Variants in CAMK2D observed in about 807,000 individuals in gnomAD.
CAMK2D encodes calcium/calmodulin dependent protein kinase II delta.
A neutral mutation model predicts 84.0 loss-of-function variants in CAMK2D; 37 were observed. The observed-to-expected ratio is 0.44, with a 90% confidence interval of 0.34 to 0.58. CAMK2D has a LOEUF of 0.58. Ranked by LOEUF, CAMK2D falls within the 20% of genes least tolerant of loss-of-function variation. The pLI is 0.02. For missense variants in CAMK2D, 448 were observed against 652.5 expected, an observed-to-expected ratio of 0.69 and a Z score of 3.41; for synonymous variants, 202 against 212.5, an observed-to-expected ratio of 0.95 and a Z score of 0.43.
intron 15 of CAMK2D, among the ~76,000 whole-genome samples, chr4:113,501,913 T>C (rs1346160200): frequency 1.3e-5 from 2 of 152,174 alleles, no homozygotes; most frequent in Admixed American, 1.3e-4. Flanking sequence ...GTCATGACTA[T>C]AAAATAAATC....
At chr4:113,472,198 G>A (rs569739819) in intron 16 of CAMK2D, among the ~76,000 whole-genome samples, 1 of 152,250 alleles carries the variant, frequency 6.6e-6, no homozygotes, top group East Asian at 1.9e-4. Flanking sequence ...TGAACACCTA[G>A]TACTGAGTCA....
chr4:113,665,120 A>G (rs933071499), intron 2 of CAMK2D, among the ~76,000 whole-genome samples: 1 of 152,138 alleles, frequency 6.6e-6, no homozygotes, highest in Non-Finnish European at 1.5e-5. Context: ...AGACTTTATA[A>G]CAATAGTACT....
Position 113,582,169 on chromosome 4 carries a change from G to A in CAMK2D, c.275+26983C>T, listed in dbSNP as rs368275818. Among the ~76,000 whole-genome samples the A allele has an allele frequency of 7.9e-5, 12 of 152,280 alleles. No homozygotes were observed. In the East Asian group the frequency reaches 1.7e-3, roughly 22 times the overall value. ...TCACATCCAGGTTGACCAGTTAGAT[G>A]TTTACATTTGATCCAATAAATTGTC... On this transcript the variant is annotated intron_variant, in intron 4 of 20. Transcript: ENST00000511664.
chr4:113,514,294 T>A (rs899709551), intron 10 of CAMK2D, among the ~76,000 whole-genome samples: 7 of 152,080 alleles, frequency 4.6e-5, no homozygotes, highest in African/African-American at 1.4e-4. Context: ...GCACCTGTAA[T>A]CCCAGCTACT....
chr4:113,598,439 C>T (rs2098937318), intron 4 of CAMK2D, among the ~76,000 whole-genome samples: 1 of 151,988 alleles, frequency 6.6e-6, no homozygotes, highest in East Asian at 1.9e-4. Context: ...TAAAACTTCC[C>T]AGAAAACAAA....
At chr4:113,581,957 G>A (rs1319021673) in intron 4 of CAMK2D, among the ~76,000 whole-genome samples, 2 of 152,106 alleles carry the variant, frequency 1.3e-5, no homozygotes, top group African/African-American at 4.8e-5. Context: ...TTTCCATGAC[G>A]AGAAAGGGAC....
At chr4:113,597,468 ATTC>A (rs1467403951) in intron 4 of CAMK2D, among the ~76,000 whole-genome samples, 3 of 152,188 alleles carry the variant, frequency 2.0e-5, no homozygotes, top group African/African-American at 4.8e-5. Context: ...GCTTTCCTCT[ATTC>A]TTCTGCAGCT....
chr4:113,702,591 ATTC>A (rs2099423935), intron 2 of CAMK2D, among the ~76,000 whole-genome samples: 1 of 152,184 alleles, frequency 6.6e-6, no homozygotes, highest in South Asian at 2.1e-4. Context: ...AATAAAAAAT[ATTC>A]TTATTTCAAC....
intron 16 of CAMK2D, among the ~76,000 whole-genome samples, chr4:113,480,215 G>A (rs889634371): frequency 2.0e-5 from 3 of 151,956 alleles, no homozygotes; most frequent in South Asian, 2.1e-4. Flanking sequence ...CGCCCGCCTC[G>A]GCCTCCCAAA....
At chr4:113,725,831 T>C (rs565296152) in intron 2 of CAMK2D, among the ~76,000 whole-genome samples, 1 of 152,316 alleles carries the variant, frequency 6.6e-6, no homozygotes, top group South Asian at 2.1e-4. Flanking sequence ...AAATGGACAC[T>C]AAATTTGGAG....
chr4:113,541,704 T>C (rs1199892322), intron 6 of CAMK2D, among the ~76,000 whole-genome samples: 3 of 152,196 alleles, frequency 2.0e-5, no homozygotes, highest in Non-Finnish European at 4.4e-5. Context: ...GACTAAAAAT[T>C]TGTCTTTTAA....
At chr4:113,700,005 C>A (rs2099413294) in intron 2 of CAMK2D, among the ~76,000 whole-genome samples, 1 of 152,128 alleles carries the variant, frequency 6.6e-6, no homozygotes, top group African/African-American at 2.4e-5. Flanking sequence ...TCTATAATAT[C>A]TCCATCTGGT....
chr4:113,668,382 G>A (rs1316262154), intron 2 of CAMK2D, among the ~76,000 whole-genome samples: 1 of 152,112 alleles, frequency 6.6e-6, no homozygotes, highest in East Asian at 1.9e-4. Flanking sequence ...AGGTGTCCAA[G>A]TTACTTGACC....
At position 113,587,306 on chromosome 4, in the gene CAMK2D, AC is replaced by A. The variant is rs201988574; in HGVS notation, c.275+21845del. ...AAATGTTCACTCTTATTAAGGCCAG[AC>A]ATTCTTTTACAAAATCAAAATGACT... is the stretch of plus-strand genomic sequence containing the variant. On this transcript the variant is annotated intron_variant, in intron 4 of 20. Coordinates refer to ENST00000511664, the MANE Select transcript of CAMK2D (RefSeq NM_001321571.2). 7.7e-3 allele frequency among the ~76,000 whole-genome samples: 1,167 copies of A among 152,354 alleles called. 17 individuals carry two copies. Among genetic ancestry groups the A allele is most frequent in the African/African-American group, 0.026 (1,090 of 41,596 alleles).
chr4:113,661,482 CTT>C (rs2099231713), intron 3 of CAMK2D, among the ~76,000 whole-genome samples: 1 of 152,170 alleles, frequency 6.6e-6, no homozygotes, highest in East Asian at 1.9e-4. Context: ...AATTTAGTAT[CTT>C]TGTTTCCACA....
At chr4:113,462,345 T>TA (rs1216552015) in intron 17 of CAMK2D, among the ~76,000 whole-genome samples, 1 of 150,376 alleles carries the variant, frequency 6.6e-6, no homozygotes, top group Non-Finnish European at 1.5e-5. Flanking sequence ...TCTGTCTATC[T>TA]ATCTATCTAT....
At chr4:113,706,741 CTT>C (rs1335434823) in intron 2 of CAMK2D, among the ~76,000 whole-genome samples, 7 of 152,050 alleles carry the variant, frequency 4.6e-5, no homozygotes, top group Non-Finnish European at 1.0e-4. Flanking sequence ...AAAGAAATAA[CTT>C]TGGTGGATTA....
chr4:113,489,289 C>A (rs1448727072), intron 16 of CAMK2D, among the ~76,000 whole-genome samples: 4 of 121,584 alleles, frequency 3.3e-5, no homozygotes, highest in Admixed American at 2.8e-4. Flanking sequence ...TCCCTCCCCC[C>A]TCCCCCCACC....
chr4:113,755,617 C>T (rs1285252077), intron 2 of CAMK2D, among the ~76,000 whole-genome samples: 1 of 151,832 alleles, frequency 6.6e-6, no homozygotes, highest in Non-Finnish European at 1.5e-5. Context: ...CTTTGAAATG[C>T]AAAATAAATC....
Sources: gnomAD v4.1 joint callset for allele counts (sites outside exome capture counted in the v4.1 genomes callset) on GRCh38, gnomAD v4.1.1 for gene constraint, MANE v1.5 for transcripts, NCBI Gene and HGNC (gene_info 2026-07-23, HGNC 2026-07-21) for gene names.